C2CD2: variants seen among roughly 807,000 people sequenced by gnomAD.
C2CD2 encodes C2 domain-containing protein 2.
C2CD2 carries 43 observed loss-of-function variants against 74.3 expected under a neutral mutation model. The observed-to-expected ratio is 0.58, with a 90% CI of 0.45 to 0.75. The LOEUF (loss-of-function observed/expected upper bound fraction) is 0.75, where lower values mean the gene tolerates loss of function less well. Among genes scored for constraint, C2CD2 ranks in the 30% least tolerant of loss-of-function variants. The probability of loss-of-function intolerance (pLI) is 0.00; values close to 1 mark genes in which losing one functional copy is unlikely to be tolerated. For missense variants in C2CD2, 801 were observed against 916.3 expected (o/e 0.87, Z 1.63); for synonymous variants, 422 against 390.7 (o/e 1.08, Z -0.94).
intron 5 of C2CD2, among the ~76,000 whole-genome samples, chr21:41,916,652 G>A (rs2065094585): frequency 7.4e-6 from 1 of 134,970 alleles, no homozygotes; most frequent in South Asian, 2.6e-4. Flanking sequence ...CTTCATAACT[G>A]TGTGAGCTGA....
chr21:41,933,256 TAC>T (rs2065278353), intron 2 of C2CD2, among the ~76,000 whole-genome samples: 1 of 136,028 alleles, frequency 7.4e-6, no homozygotes, highest in African/African-American at 2.6e-5. Context: ...CAAGTTCTGT[TAC>T]AGTTTTTTTT....
At chr21:41,890,088 T>C (rs1301667850) in intron 13 of C2CD2, among the ~76,000 whole-genome samples, 1 of 152,194 alleles carries the variant, frequency 6.6e-6, no homozygotes, top group East Asian at 1.9e-4. Flanking sequence ...GAAAGGATGG[T>C]CACACTCATA....
rs2065125799 is a variant in C2CD2 at position 41,919,049 on chromosome 21, TG to T, written c.493-90del. The T allele has an allele frequency of 8.5e-5, 66 of 772,254 alleles. No individual in the cohort carries two copies. In the South Asian group the frequency reaches 1.0e-3, roughly 12 times the overall value. The allele number at this position is 772,254 out of a possible 1,614,324, so 47.8% of individuals were successfully genotyped here. A position where few individuals can be genotyped will look rare whatever the true frequency, so the allele number is the denominator to read the frequency against. The stretch of plus-strand genomic sequence containing the variant: ...GTGCATGTGACTGTGTGAGCATGTG[TG>T]TGTGCATATATGCATGTGAGCATGT... On this transcript the variant is annotated intron_variant, in intron 3 of 13. Coordinates refer to ENST00000380486, the MANE Select transcript of C2CD2 (RefSeq NM_015500.2).
At chr21:41,890,621 C>G (rs1199928023) in intron 13 of C2CD2, among the ~76,000 whole-genome samples, 1 of 152,186 alleles carries the variant, frequency 6.6e-6, no homozygotes, top group Non-Finnish European at 1.5e-5. Flanking sequence ...TGAAGAGGAG[C>G]TTTATACCTA....
chr21:41,910,757 A>C (rs1297539660), intron 7 of C2CD2, among the ~76,000 whole-genome samples: 1 of 152,218 alleles, frequency 6.6e-6, no homozygotes, highest in Non-Finnish European at 1.5e-5. Context: ...TTTAAGGATT[A>C]GATTATGATT....
intron 2 of C2CD2, among the ~76,000 whole-genome samples, chr21:41,925,264 C>T (rs1486003709): frequency 6.6e-6 from 1 of 151,912 alleles, no homozygotes; most frequent in East Asian, 1.9e-4. Context: ...GGCAGGAGGA[C>T]TGCTTGAGTC....
intron 1 of C2CD2, among the ~76,000 whole-genome samples, chr21:41,949,612 C>G (rs1002027857): frequency 2.0e-5 from 3 of 152,178 alleles, no homozygotes; most frequent in African/African-American, 7.2e-5. Flanking sequence ...ACTACAAATA[C>G]CATTTGACCC....
rs2064812278 is a variant in C2CD2, at chr21:41,895,541, T to C, written c.1870+3512A>G. Among the ~76,000 whole-genome samples, 1 of 152,034 alleles carries C rather than the reference T, an allele frequency of 6.6e-6. No individual in the cohort carries two copies. Among genetic ancestry groups the C allele is most frequent in the Admixed American group, 6.6e-5 (1 of 15,262 alleles). On this transcript the variant is annotated intron_variant, in intron 13 of 13. Coordinates refer to ENST00000380486, the MANE Select transcript of C2CD2 (RefSeq NM_015500.2). The surrounding 1 kb of genome is among the most constrained non-coding windows in gnomAD (Gnocchi z 5.0). Reference sequence around the variant, plus strand: ...AACCTTCAAGATTCCTGAAGATAATTTGGGGAGTGGTTATGTGAAATTGGA... The same window carrying C: ...AACCTTCAAGATTCCTGAAGATAATCTGGGGAGTGGTTATGTGAAATTGGA...
At chr21:41,914,187 T>C (rs1459531077) in intron 6 of C2CD2, among the ~76,000 whole-genome samples, 7 of 151,360 alleles carry the variant, frequency 4.6e-5, no homozygotes, top group African/African-American at 1.2e-4. Flanking sequence ...GATCGTGCCA[T>C]TGCACTTCAG....
intron 11 of C2CD2, among the ~76,000 whole-genome samples, chr21:41,902,128 G>A (rs539711902): frequency 2.3e-4 from 35 of 152,264 alleles, no homozygotes; most frequent in East Asian, 9.6e-4. Context: ...AAGATTCACC[G>A]ATTTTATTTA....
intron 6 of C2CD2, among the ~76,000 whole-genome samples, chr21:41,912,679 CG>C (rs2065041875): frequency 6.6e-6 from 1 of 151,976 alleles, no homozygotes; most frequent in Non-Finnish European, 1.5e-5. Flanking sequence ...TTAGTAGAGA[CG>C]GGGTTTCACC....
intron 13 of C2CD2, chr21:41,894,632 C>T (rs780758510): frequency 1.3e-5 from 6 of 455,688 alleles, no homozygotes; most frequent in South Asian, 3.1e-5. Context: ...TGCAAGGACT[C>T]GGGCGGGATT....
In C2CD2 at chr21:41,939,660, T is replaced by C. The variant is rs9325617; in HGVS notation, c.378+2487A>G. Among the ~76,000 whole-genome samples the C allele has an allele frequency of 0.31, 46,751 of 152,130 alleles. 7,893 individuals are homozygous for C. The highest frequency in any genetic ancestry group is 0.43 in the African/African-American group (18,046 of 41,488). On this transcript the variant is annotated intron_variant, in intron 2 of 13. Coordinates refer to ENST00000380486, the MANE Select transcript of C2CD2 (RefSeq NM_015500.2). The surrounding 1 kb of genome is among the most constrained non-coding windows in gnomAD (Gnocchi z 5.5). ...GTCTCAGCATCCCGCACCGCTGCCATGGGCTTCCTCCTGCAACCCCAGTAC... is the reference window on the plus strand; with the variant it reads ...GTCTCAGCATCCCGCACCGCTGCCACGGGCTTCCTCCTGCAACCCCAGTAC...
chr21:41,933,971 C>T (rs750138865), intron 2 of C2CD2, among the ~76,000 whole-genome samples: 2 of 152,178 alleles, frequency 1.3e-5, no homozygotes, highest in East Asian at 3.9e-4. Context: ...GCTTTTCCTC[C>T]GGCAGGAAAA....
At position 41,926,816 on chromosome 21, in the gene C2CD2, T is replaced by C. The variant is rs922757766; in HGVS notation, c.379-4731A>G. 2.6e-5 allele frequency: 4 copies of C among 155,918 alleles called. No individual in the cohort carries two copies. Among genetic ancestry groups the C allele is most frequent in the Non-Finnish European group, 1.4e-5 (1 of 71,474 alleles). 9.7% of individuals were successfully genotyped at this position (155,918 alleles called of 1,614,324 possible). ...TAATTACTTTTGTCTCCAAAGAAAC[T>C]AGCAATGCAGCTGAGGAAATGTATA... On this transcript the variant is annotated intron_variant, in intron 2 of 13. Transcript: ENST00000380486. This position sits in a 1 kb window ranked among gnomAD's most constrained non-coding sequence, Gnocchi z 8.0.
chr21:41,907,103 T>C lies in C2CD2; in HGVS notation c.1207A>G (p.Lys403Glu), dbSNP rs2064971765. Residue 403 changes from lysine to glutamate, a missense_variant, in exon 10 of 14, where the codon AAA (lysine) becomes GAA (glutamate). Transcript: ENST00000380486. ...WPIPPPVPAA[K>E]IEKDRTVMPC... ...ATCACCGTGCGGTCCTTTTCTATTT[T>C]TGCAGCAGGAACAGGGGGAGGGATG... 1.2e-6 allele frequency: 2 copies of C among 1,614,070 alleles called. No individual in the cohort carries two copies. Among genetic ancestry groups the C allele is most frequent in the East Asian group, 4.5e-5 (2 of 44,884 alleles).
At chr21:41,925,475 C>G (rs1039728802) in intron 2 of C2CD2, among the ~76,000 whole-genome samples, 1 of 152,158 alleles carries the variant, frequency 6.6e-6, no homozygotes, top group Non-Finnish European at 1.5e-5. Flanking sequence ...ACATTCTGAA[C>G]CTGCCTCAAA....
chr21:41,933,755 G>A lies in C2CD2; in HGVS notation c.378+8392C>T, dbSNP rs1287327457. On this transcript the variant is annotated intron_variant, in intron 2 of 13. Transcript: ENST00000380486. Reference sequence around the variant, plus strand: ...CAAGAGCGACCAGGCTCCTCCTCCCGCACTCACAGCCCCGTGAAAGGGGAG... The same window carrying A: ...CAAGAGCGACCAGGCTCCTCCTCCCACACTCACAGCCCCGTGAAAGGGGAG... 3.3e-5 allele frequency among the ~76,000 whole-genome samples: 5 copies of A among 152,254 alleles called. No individual in the cohort carries two copies. The South Asian group carries it at 6.2e-4, about 19-fold the overall frequency.
In C2CD2 at chr21:41,897,521, T is replaced by A. The variant is rs2064838051; in HGVS notation, c.1870+1532A>T. 2.0e-5 allele frequency among the ~76,000 whole-genome samples: 3 copies of A among 152,298 alleles called. No individual in the cohort carries two copies. The East Asian group carries it at 5.8e-4, about 29-fold the overall frequency. On this transcript the variant is annotated intron_variant, in intron 13 of 13. Transcript: ENST00000380486. Reference sequence around the variant, plus strand: ...CAGGAGCCTGCCACAGAGGTCAGCGTGCAGCTTACAGCCCTCAAGTGCTCT... The same window carrying A: ...CAGGAGCCTGCCACAGAGGTCAGCGAGCAGCTTACAGCCCTCAAGTGCTCT...
Sources: gnomAD v4.1 joint callset for allele counts (sites outside exome capture counted in the v4.1 genomes callset) on GRCh38, gnomAD v4.1.1 for gene constraint, Gnocchi (gnomAD v3.1) non-coding constraint, MANE v1.5 for transcripts, NCBI Gene and HGNC (gene_info 2026-07-23, HGNC 2026-07-21) for gene names.